Variants in GNG7 observed in about 807,000 individuals in gnomAD.
The protein encoded by GNG7 is G protein subunit gamma 7.
A neutral mutation model predicts 4.0 loss-of-function variants in GNG7; 1 was observed. That is an observed-to-expected ratio of 0.25 (90% CI 0.09 to 1.18). The LOEUF is 1.18. Ranked by LOEUF, GNG7 falls within the 50% of genes most tolerant of loss-of-function variation. The pLI, the probability that GNG7 is intolerant of heterozygous loss-of-function variation, is 0.50. For missense variants in GNG7, 86 were observed against 91.9 expected (o/e 0.94, Z 0.26); for synonymous variants, 34 against 36.9 (o/e 0.92, Z 0.29).
intron 2 of GNG7, among the ~76,000 whole-genome samples, chr19:2,584,105 A>G (rs1411050469): frequency 6.6e-6 from 1 of 151,994 alleles, no homozygotes; most frequent in Non-Finnish European, 1.5e-5. Context: ...TGGGCCAGAA[A>G]GTAAGGAAAC....
intron 2 of GNG7, among the ~76,000 whole-genome samples, chr19:2,603,301 G>A (rs1281783448): frequency 2.0e-5 from 3 of 152,144 alleles, no homozygotes; most frequent in African/African-American, 4.8e-5. Context: ...TCCTGACCTC[G>A]TGATCCACCC....
chr19:2,596,584 G>A (rs1413905521), intron 2 of GNG7, among the ~76,000 whole-genome samples: 1 of 151,704 alleles, frequency 6.6e-6, no homozygotes, highest in African/African-American at 2.4e-5. Flanking sequence ...TGGGAGGATC[G>A]CTTGAGTCCA....
rs1217882843 is a variant in GNG7 at position 2,609,404 on chromosome 19, G to T, written c.-78+36820C>A. ...CGCCCCCTTCAATTTTGTGCCCAGT[G>T]TGAATACATTGCTTGCCTGACCCTG... is the stretch of plus-strand genomic sequence containing the variant. On this transcript the variant is annotated intron_variant, in intron 2 of 4. Transcript: ENST00000382159. This position sits in a 1 kb window ranked among gnomAD's most constrained non-coding sequence, Gnocchi z 4.4. 6.6e-6 allele frequency among the ~76,000 whole-genome samples: 1 copy of T among 152,140 alleles called. No individual in the cohort carries two copies. Among genetic ancestry groups the T allele is most frequent in the African/African-American group, 2.4e-5 (1 of 41,428 alleles).
intron 2 of GNG7, among the ~76,000 whole-genome samples, chr19:2,558,767 TTTC>T (rs1258588450): frequency 6.6e-6 from 1 of 151,854 alleles, no homozygotes; most frequent in African/African-American, 2.4e-5. Context: ...TTCTTTCTTT[TTTC>T]TTTCTTTCTT....
chr19:2,538,303 T>A (rs1182614262), intron 3 of GNG7: 1 of 455,892 alleles, frequency 2.2e-6, no homozygotes, highest in Admixed American at 2.4e-5. Flanking sequence ...TTTAGAGAGA[T>A]CCCTCCACGA....
chr19:2,618,051 T>G lies in GNG7; in HGVS notation c.-78+28173A>C, dbSNP rs1981768588. On this transcript the variant is annotated intron_variant, in intron 2 of 4. Coordinates refer to ENST00000382159, the MANE Select transcript of GNG7 (RefSeq NM_052847.3). This position sits in a 1 kb window ranked among gnomAD's most constrained non-coding sequence, Gnocchi z 5.1. ...CCTCTGTTTGGTTTGCCAGTGTGTCTGGGCATGTGCTGTCTCTGTGTGACA... is the reference window on the plus strand; with the variant it reads ...CCTCTGTTTGGTTTGCCAGTGTGTCGGGGCATGTGCTGTCTCTGTGTGACA... Among the ~76,000 whole-genome samples, 1 of 152,188 alleles carries G rather than the reference T, an allele frequency of 6.6e-6. No individual in the cohort carries two copies. The highest frequency in any genetic ancestry group is 2.4e-5 in the African/African-American group (1 of 41,460).
Position 2,588,454 on chromosome 19 carries a change from G to A in GNG7, c.-77-33266C>T, listed in dbSNP as rs983833189. Among the ~76,000 whole-genome samples the A allele has an allele frequency of 6.6e-5, 10 of 152,342 alleles. No homozygotes were observed. The South Asian group carries it at 2.1e-3, about 32-fold the overall frequency. On this transcript the variant is annotated intron_variant, in intron 2 of 4. Coordinates refer to ENST00000382159, the MANE Select transcript of GNG7 (RefSeq NM_052847.3). ...CATGAGGTTTGTTTTTCTTTTAAAA[G>A]TCAACAGCTGGTGAATCGCACAGGG...
intron 2 of GNG7, among the ~76,000 whole-genome samples, chr19:2,556,412 T>G (rs1001531187): frequency 1.3e-5 from 2 of 152,148 alleles, no homozygotes; most frequent in African/African-American, 4.8e-5. Context: ...CAAGGCTGTT[T>G]CCCTCCTGCC....
intron 2 of GNG7, among the ~76,000 whole-genome samples, chr19:2,639,347 A>G (rs978648873): frequency 6.6e-6 from 1 of 152,014 alleles, no homozygotes; most frequent in Non-Finnish European, 1.5e-5. Context: ...AAACAAATCA[A>G]TGCGCCTGAG....
chr19:2,691,632 C>T (rs905306418), intron 1 of GNG7, among the ~76,000 whole-genome samples: 2 of 151,706 alleles, frequency 1.3e-5, no homozygotes, highest in African/African-American at 2.4e-5. Context: ...TTTGGGAAGC[C>T]GAGGTGGAAG....
At chr19:2,686,081 A>G (rs1358875388) in intron 1 of GNG7, among the ~76,000 whole-genome samples, 1 of 152,008 alleles carries the variant, frequency 6.6e-6, no homozygotes, top group African/African-American at 2.4e-5. Context: ...CAGGGGTGTC[A>G]TCTTGGTCCC....
rs193239057 is a variant in GNG7, at chr19:2,603,766, T to G, written c.-78+42458A>C. The stretch of plus-strand genomic sequence containing the variant: ...CTAGCGTGTTCAAGCTGGAAAGGAT[T>G]TCAGAGATTGTGTCACCTAGATTTA... On this transcript the variant is annotated intron_variant, in intron 2 of 4. Coordinates refer to ENST00000382159, the MANE Select transcript of GNG7 (RefSeq NM_052847.3). Among the ~76,000 whole-genome samples, 291 of 152,278 alleles carry G rather than the reference T, an allele frequency of 1.9e-3. 1 individual carries two copies. The highest frequency in any genetic ancestry group is 6.5e-3 in the African/African-American group (271 of 41,558).
At position 2,618,846 on chromosome 19, in the gene GNG7, C is replaced by T. The variant is rs1981791976; in HGVS notation, c.-78+27378G>A. On this transcript the variant is annotated intron_variant, in intron 2 of 4. Coordinates refer to ENST00000382159, the MANE Select transcript of GNG7 (RefSeq NM_052847.3). The surrounding 1 kb of genome is among the most constrained non-coding windows in gnomAD (Gnocchi z 5.1). Reference sequence around the variant, plus strand: ...CAAATGCCACAGCGATTCAGCTTCCCTCAGTTTTCCCCTCACGACCTTTCC... The same window carrying T: ...CAAATGCCACAGCGATTCAGCTTCCTTCAGTTTTCCCCTCACGACCTTTCC... Among the ~76,000 whole-genome samples the T allele has an allele frequency of 6.6e-6, 1 of 152,106 alleles. No individual in the cohort carries two copies. The highest frequency in any genetic ancestry group is 6.6e-5 in the Admixed American group (1 of 15,252).
chr19:2,625,375 GTTTTTATTTTTAT>G (rs1391455137), intron 2 of GNG7, among the ~76,000 whole-genome samples: 1 of 152,046 alleles, frequency 6.6e-6, no homozygotes, highest in Non-Finnish European at 1.5e-5. Context: ...CCCAGCCAGG[GTTTTTATTTTTAT>G]TTTTTGCAGA....
chr19:2,534,355 A>C (rs1333439068), intron 3 of GNG7, among the ~76,000 whole-genome samples: 1 of 152,160 alleles, frequency 6.6e-6, no homozygotes. Context: ...TGCGCTTCTG[A>C]AAATGCAGTT....
chr19:2,556,702 G>A (rs1599389003), intron 2 of GNG7, among the ~76,000 whole-genome samples: 2 of 152,138 alleles, frequency 1.3e-5, no homozygotes, highest in South Asian at 2.1e-4. Context: ...AGAGGCTCCC[G>A]GGTCTCAGCT....
chr19:2,586,413 C>G (rs2144796600), intron 2 of GNG7, among the ~76,000 whole-genome samples: 1 of 152,294 alleles, frequency 6.6e-6, no homozygotes, highest in African/African-American at 2.4e-5. Flanking sequence ...GCGAGGGCCG[C>G]AAATGGGGAA....
intron 1 of GNG7, among the ~76,000 whole-genome samples, chr19:2,693,907 C>T (rs139131439): frequency 7.4e-4 from 113 of 152,234 alleles, no homozygotes; most frequent in African/African-American, 2.5e-3. Context: ...CTCTTGGAGG[C>T]TCTCAGAGGT....
chr19:2,599,280 A>G (rs1981128565), intron 2 of GNG7, among the ~76,000 whole-genome samples: 1 of 151,956 alleles, frequency 6.6e-6, no homozygotes, highest in Non-Finnish European at 1.5e-5. Flanking sequence ...TGTCTGCTTG[A>G]GTATCTCGAA....
Sources: allele counts gnomAD v4.1 joint callset (sites outside exome capture counted in the v4.1 genomes callset), GRCh38; gene constraint gnomAD v4.1.1; non-coding constraint Gnocchi (gnomAD v3.1); transcripts MANE v1.5; gene names NCBI Gene and HGNC (gene_info 2026-07-23, HGNC 2026-07-21).